WWOX: variants seen among roughly 807,000 people sequenced by gnomAD.
The protein encoded by WWOX is WW domain containing oxidoreductase, also known as WW domain-containing oxidoreductase.
In WWOX, 69 loss-of-function variants were observed where a neutral mutation model predicts 46.2. The ratio of observed to expected loss-of-function variants is 1.49; its 90% CI spans 1.23 to 1.82. WWOX has a LOEUF of 1.82. Ranked by LOEUF, WWOX falls within the 40% of genes most tolerant of loss-of-function variation. The pLI, the probability that WWOX is intolerant of heterozygous loss-of-function variation, is 0.00. For synonymous variants in WWOX, 359 were observed against 202.6 expected (o/e 1.77, Z -6.56); for missense variants, 919 against 542.6 (o/e 1.69, Z -6.89).
At chr16:78,738,522 A>C (rs572915109) in intron 8 of WWOX, among the ~76,000 whole-genome samples, 1 of 152,220 alleles carries the variant, frequency 6.6e-6, no homozygotes, top group African/African-American at 2.4e-5. Context: ...CATATGTTAA[A>C]ATACAAATAT....
intron 8 of WWOX, among the ~76,000 whole-genome samples, chr16:79,074,186 T>C (rs2048606090): frequency 6.6e-6 from 1 of 152,072 alleles, no homozygotes; most frequent in Non-Finnish European, 1.5e-5. Flanking sequence ...GAGCTGTGTG[T>C]TGAAGATAGA....
chr16:78,884,275 A>G lies in WWOX; in HGVS notation c.1057-327333A>G, dbSNP rs903405822. Among the ~76,000 whole-genome samples the G allele has an allele frequency of 1.1e-3, 138 of 127,920 alleles. 1 individual carries two copies. Among genetic ancestry groups the G allele is most frequent in the African/African-American group, 4.8e-3 (134 of 28,014 alleles). The allele number at this position is 127,920 out of a possible 152,430, so 83.9% of individuals were successfully genotyped here. On this transcript the variant is annotated intron_variant, in intron 8 of 8. Transcript: ENST00000566780. The stretch of plus-strand genomic sequence containing the variant: ...GTGACAGAGTGAGACCCTGTCTCCA[A>G]AAAAAAAAAAAAAAAAAACAAAAGA...
chr16:78,775,262 A>G (rs757184919), intron 8 of WWOX, among the ~76,000 whole-genome samples: 5 of 152,178 alleles, frequency 3.3e-5, no homozygotes, highest in Non-Finnish European at 5.9e-5. Context: ...CAAAACAAAA[A>G]TATCTTGTGG....
intron 5 of WWOX, among the ~76,000 whole-genome samples, chr16:78,385,440 C>A (rs1043267394): frequency 6.6e-6 from 1 of 152,168 alleles, no homozygotes; most frequent in Non-Finnish European, 1.5e-5. Flanking sequence ...CGTTACAAAC[C>A]TATGAGTAGA....
intron 8 of WWOX, among the ~76,000 whole-genome samples, chr16:78,803,218 A>T (rs1204977889): frequency 6.6e-6 from 1 of 151,850 alleles, no homozygotes; most frequent in African/African-American, 2.4e-5. Flanking sequence ...TTAAATAAAA[A>T]GCTGTGGCTA....
intron 5 of WWOX, among the ~76,000 whole-genome samples, chr16:78,277,150 A>C (rs973364588): frequency 2.0e-5 from 3 of 152,218 alleles, no homozygotes; most frequent in Admixed American, 6.5e-5. Context: ...CAGTAAAACA[A>C]GTTTAAATCT....
At chr16:78,613,678 C>G (rs114203678) in intron 8 of WWOX, among the ~76,000 whole-genome samples, 1 of 152,158 alleles carries the variant, frequency 6.6e-6, no homozygotes, top group African/African-American at 2.4e-5. Flanking sequence ...CCTGGGAAAG[C>G]TAGCTAAGCA....
At position 78,294,002 on chromosome 16, in the gene WWOX, A is replaced by C. The variant is rs183410049; in HGVS notation, c.517-92858A>C. Reference sequence around the variant, plus strand: ...AGAAAAAAAAAAAAAAAAAAAAAAAAAAAAAAAAGGCTTTCCTGAAAGGTG... The same window carrying C: ...AGAAAAAAAAAAAAAAAAAAAAAAACAAAAAAAAGGCTTTCCTGAAAGGTG... On this transcript the variant is annotated intron_variant, in intron 5 of 8. Transcript: ENST00000566780. Among the ~76,000 whole-genome samples, 317 of 150,744 alleles carry C rather than the reference A, an allele frequency of 2.1e-3. 5 individuals are homozygous for C. The highest frequency in any genetic ancestry group is 7.3e-3 in the African/African-American group (300 of 41,268).
chr16:78,222,613 T>G (rs534181217), intron 5 of WWOX, among the ~76,000 whole-genome samples: 64 of 152,312 alleles, frequency 4.2e-4, no homozygotes, highest in Non-Finnish European at 8.2e-4. Flanking sequence ...CAGCACTTTT[T>G]ACCATTTAAT....
intron 8 of WWOX, among the ~76,000 whole-genome samples, chr16:78,748,219 T>C (rs189810414): frequency 6.6e-6 from 1 of 152,196 alleles, no homozygotes; most frequent in Non-Finnish European, 1.5e-5. Flanking sequence ...GTCCACTCAA[T>C]ACATATCTGA....
intron 8 of WWOX, among the ~76,000 whole-genome samples, chr16:79,136,059 A>T (rs1170255219): frequency 6.6e-6 from 1 of 152,178 alleles, no homozygotes. Flanking sequence ...ATATTCAAAT[A>T]TACTCTGAAT....
chr16:78,998,705 C>T (rs145673469), intron 8 of WWOX, among the ~76,000 whole-genome samples: 1 of 152,190 alleles, frequency 6.6e-6, no homozygotes, highest in Non-Finnish European at 1.5e-5. Context: ...CTTTCATTAT[C>T]GTTATTAACT....
At chr16:78,149,306 A>G (rs1021068153) in intron 4 of WWOX, among the ~76,000 whole-genome samples, 2 of 152,216 alleles carry the variant, frequency 1.3e-5, no homozygotes, top group African/African-American at 4.8e-5. Flanking sequence ...GTGGGGTTAA[A>G]TTAAGTCTAT....
chr16:78,542,170 A>T (rs554898197), intron 8 of WWOX, among the ~76,000 whole-genome samples: 89 of 89,130 alleles, frequency 1.0e-3, no homozygotes, highest in Admixed American at 5.0e-3. Context: ...TTGAAATGTT[A>T]AGCTAACAGA....
intron 8 of WWOX, among the ~76,000 whole-genome samples, chr16:78,872,563 TA>T (rs1269398617): frequency 6.6e-6 from 1 of 152,158 alleles, no homozygotes; most frequent in African/African-American, 2.4e-5. Flanking sequence ...TTCTTTGTTT[TA>T]AAAATAATTA....
intron 8 of WWOX, among the ~76,000 whole-genome samples, chr16:79,065,243 G>C (rs1019831724): frequency 6.6e-6 from 1 of 152,158 alleles, no homozygotes; most frequent in Non-Finnish European, 1.5e-5. Context: ...GTAAAACCCA[G>C]TTCACTGAGA....
At chr16:78,997,861 A>G (rs992352436) in intron 8 of WWOX, among the ~76,000 whole-genome samples, 1 of 152,004 alleles carries the variant, frequency 6.6e-6, no homozygotes, top group East Asian at 1.9e-4. Flanking sequence ...TTGCAGCCTA[A>G]TGTTTAGCTT....
chr16:78,775,048 G>A (rs924752308), intron 8 of WWOX, among the ~76,000 whole-genome samples: 1 of 152,138 alleles, frequency 6.6e-6, no homozygotes, highest in Admixed American at 6.5e-5. Context: ...CCTCACTCCT[G>A]AGGGTGGGGA....
intron 8 of WWOX, among the ~76,000 whole-genome samples, chr16:79,167,339 G>A (rs1307074261): frequency 2.0e-5 from 3 of 152,180 alleles, no homozygotes; most frequent in Non-Finnish European, 4.4e-5. Context: ...TCTGAGTGGT[G>A]AGTATAAGTG....
Sources: gnomAD v4.1 joint callset for allele counts (sites outside exome capture counted in the v4.1 genomes callset) on GRCh38, gnomAD v4.1.1 for gene constraint, MANE v1.5 for transcripts, NCBI Gene and HGNC (gene_info 2026-07-23, HGNC 2026-07-21) for gene names.